Variants in PIK3C2B observed in about 807,000 individuals in gnomAD.
The protein encoded by PIK3C2B is phosphatidylinositol 4-phosphate 3-kinase C2 domain-containing subunit beta.
Under a neutral mutation model 184.3 loss-of-function variants are expected in PIK3C2B, and 83 were observed. The ratio of observed to expected loss-of-function variants is 0.45; its 90% CI spans 0.38 to 0.54. The LOEUF is 0.54. Among genes scored for constraint, PIK3C2B ranks in the 20% least tolerant of loss-of-function variants. The pLI, the probability that PIK3C2B is intolerant of heterozygous loss-of-function variation, is 0.00. For synonymous variants in PIK3C2B, 779 were observed against 837.6 expected (o/e 0.93, Z 1.21); for missense variants, 1,736 against 2,113.5 (o/e 0.82, Z 3.50).
intron 1 of PIK3C2B, among the ~76,000 whole-genome samples, chr1:204,482,224 A>T (rs946320655): frequency 6.6e-6 from 1 of 151,732 alleles, no homozygotes. Context: ...AGTCCCCACA[A>T]TGCTGCCCAC....
chr1:204,474,243 G>A (rs187476477), intron 1 of PIK3C2B, among the ~76,000 whole-genome samples: 146 of 152,014 alleles, frequency 9.6e-4, no homozygotes, highest in African/African-American at 3.4e-3. Context: ...CGCCCGCCTC[G>A]GCCCCCCAAA....
intron 4 of PIK3C2B, 134 bp from the exon 5 acceptor site, chr1:204,464,266 G>T: frequency 8.3e-7 from 1 of 1,202,116 alleles, no homozygotes; most frequent in Non-Finnish European, 1.2e-6. Flanking sequence ...CAGGCAAGTA[G>T]TTCAGAGTTG....
chr1:204,432,159 C>T (rs374248230), intron 27 of PIK3C2B, 41 bp downstream of exon 27: 45 of 1,567,226 alleles, frequency 2.9e-5, no homozygotes, highest in Non-Finnish European at 7.9e-6. Flanking sequence ...CCAGGGTCAG[C>T]AGAGAGCAGG....
At chr1:204,483,328 G>A (rs1326302446) in intron 1 of PIK3C2B, among the ~76,000 whole-genome samples, 1 of 151,852 alleles carries the variant, frequency 6.6e-6, no homozygotes, top group Non-Finnish European at 1.5e-5. Flanking sequence ...TGAAATAGGA[G>A]GCTCAACTGA....
Position 204,433,427 on chromosome 1 carries a change from TAGA to T in PIK3C2B, c.3844-5_3844-3del. On this transcript the variant is annotated splice_polypyrimidine_tract_variant and splice_region_variant and intron_variant, in intron 25 of 32. Transcript: ENST00000684373. This position sits in a 1 kb window ranked among gnomAD's most constrained non-coding sequence, Gnocchi z 5.0. ...TTCAGGGATCCCACAGGACAACATC[TAGA>T]AGGAGCAGAAAGAAGAAGAGAGGGT... 1 of 1,550,274 alleles carries T rather than the reference TAGA, an allele frequency of 6.5e-7. No homozygotes were observed. Among genetic ancestry groups the T allele is most frequent in the Non-Finnish European group, 8.9e-7 (1 of 1,122,282 alleles).
chr1:204,444,131 G>A lies in PIK3C2B; in HGVS notation c.2804C>T (p.Pro935Leu), dbSNP rs200492669. 6.8e-6 allele frequency: 11 copies of A among 1,613,548 alleles called. No individual in the cohort carries two copies. The highest frequency in any genetic ancestry group is 5.3e-5 in the African/African-American group (4 of 74,918). The change falls in exon 18 of 33, where the codon CCG becomes CTG. Residue 935 changes from proline to leucine, a missense_variant. Pro to Leu is a moderately conservative substitution (Grantham distance 98, BLOSUM62 -3). This residue lies in a region of PIK3C2B where 289 missense variants were observed against 380.4 expected (regional missense o/e 0.76). Coordinates refer to ENST00000684373, the MANE Select transcript of PIK3C2B (RefSeq NM_001377334.1). ...TCGTTTCAGGAGGAAGCGCACCAAC[G>A]GGCTGTCCAGGTAGCATTCATACTT... The part of the protein sequence containing the change: ...ALKYECYLDS[P>L]LVRFLLKRAV...
chr1:204,442,570 A>G lies in PIK3C2B; in HGVS notation c.3112T>C (p.Leu1038=). 2 of 1,555,308 alleles carry G rather than the reference A, an allele frequency of 1.3e-6. No homozygotes were observed. Among genetic ancestry groups the G allele is most frequent in the Non-Finnish European group, 1.7e-6 (2 of 1,149,144 alleles). Residue 1038 remains leucine, a synonymous_variant, in exon 20 of 33, where the codon TTG becomes CTG. Transcript: ENST00000684373. ...ACCAGCAGACTGGGGCTGAGTGGCAAGCGGCACGAGCCATTGAGGGCAAAG... is the reference window on the plus strand; with the variant it reads ...ACCAGCAGACTGGGGCTGAGTGGCAGGCGGCACGAGCCATTGAGGGCAAAG... ...QFFALNGSCR[L]PLSPSLLVKG...
chr1:204,473,597 T>C (rs1467150047), intron 1 of PIK3C2B, among the ~76,000 whole-genome samples: 2 of 152,226 alleles, frequency 1.3e-5, no homozygotes, highest in African/African-American at 2.4e-5. Flanking sequence ...AGAGAATGAC[T>C]GTGTATTTTC....
chr1:204,490,666 G>A (rs747299751), intron 1 of PIK3C2B, among the ~76,000 whole-genome samples: 30 of 151,784 alleles, frequency 2.0e-4, no homozygotes, highest in Admixed American at 3.3e-4. Flanking sequence ...GCTCATGCCC[G>A]TAATCCCAAC....
At chr1:204,466,659 G>C (rs1473824403) in intron 2 of PIK3C2B, 5 of 389,550 alleles carry the variant, frequency 1.3e-5, no homozygotes, top group Admixed American at 3.1e-5. Flanking sequence ...AGAGACAGTG[G>C]GGGGAGGGAA....
At position 204,457,716 on chromosome 1, in the gene PIK3C2B, G is replaced by A. The variant is rs771638559; in HGVS notation, c.1713+12C>T. On this transcript the variant is annotated intron_variant, in intron 9 of 32. Transcript: ENST00000684373. Reference sequence around the variant, plus strand: ...TCTTCCTTTCCCCTGCTAGCACCCTGGGCCCCTTTACCTTCTGAATTTTAG... The same window carrying A: ...TCTTCCTTTCCCCTGCTAGCACCCTAGGCCCCTTTACCTTCTGAATTTTAG... 3.8e-6 allele frequency: 6 copies of A among 1,596,870 alleles called. No individual in the cohort carries two copies. The East Asian group carries it at 1.1e-4, about 30-fold the overall frequency.
Position 204,457,834 on chromosome 1 carries a change from A to T in PIK3C2B, c.1607T>A (p.Val536Asp). ...GGCCAGGGCGTTGCAGATGGCCTTG[A>T]CGGACTGGACCACCCTGTCAGCCTT... Reference protein sequence around the residue: ...PLKADRVVQSVKAICNALAAV... With the variant: ...PLKADRVVQSDKAICNALAAV... The change falls in exon 9 of 33, where the codon GTC becomes GAC. Residue 536 changes from valine (V) to aspartate (D), a missense_variant. This residue lies in a region of PIK3C2B where 609 missense variants were observed against 699.2 expected (regional missense o/e 0.87). Coordinates refer to ENST00000684373, the MANE Select transcript of PIK3C2B (RefSeq NM_001377334.1). 3 of 1,613,328 alleles carry T rather than the reference A, an allele frequency of 1.9e-6. No homozygotes were observed. The highest frequency in any genetic ancestry group is 2.5e-6 in the Non-Finnish European group (3 of 1,179,734).
intron 32 of PIK3C2B, among the ~76,000 whole-genome samples, chr1:204,425,340 C>A (rs976119068): frequency 1.3e-5 from 2 of 152,122 alleles, no homozygotes; most frequent in African/African-American, 4.8e-5. Context: ...GGCCAGACCC[C>A]AGCCATGAAA....
At position 204,460,544 on chromosome 1, in the gene PIK3C2B, A is replaced by ACGAAC. The variant is rs777914934; in HGVS notation, c.1422+1_1422+5dup. On this transcript the variant is annotated splice_donor_region_variant and intron_variant, in intron 6 of 32. Transcript: ENST00000684373. ...CTGGGCAACCCTCCACCACCCTCAC[A>ACGAAC]CGAACCGTCCGGGCCAGGTCACTGC... 6.2e-7 allele frequency: 1 copy of ACGAAC among 1,611,192 alleles called. No individual in the cohort carries two copies. Among genetic ancestry groups the ACGAAC allele is most frequent in the Non-Finnish European group, 8.5e-7 (1 of 1,177,590 alleles).
At chr1:204,481,525 G>C (rs1392725059) in intron 1 of PIK3C2B, among the ~76,000 whole-genome samples, 1 of 152,120 alleles carries the variant, frequency 6.6e-6, no homozygotes, top group Non-Finnish European at 1.5e-5. Flanking sequence ...CCAAAGTGCT[G>C]GGATTACAGG....
At chr1:204,468,562 A>G (rs1283117841) in intron 2 of PIK3C2B, among the ~76,000 whole-genome samples, 3 of 152,188 alleles carry the variant, frequency 2.0e-5, no homozygotes, top group Non-Finnish European at 4.4e-5. Context: ...ATAACTCCCA[A>G]TTCAGTCCTT....
At chr1:204,479,354 G>C (rs2103528167) in intron 1 of PIK3C2B, among the ~76,000 whole-genome samples, 1 of 152,012 alleles carries the variant, frequency 6.6e-6, no homozygotes, top group East Asian at 1.9e-4. Flanking sequence ...AGCTTTCTTG[G>C]CCTTCCAGAG....
intron 12 of PIK3C2B, 115 bp from the exon 13 acceptor site, chr1:204,450,132 TCA>T (rs1654227642): frequency 1.2e-6 from 1 of 838,546 alleles, no homozygotes; most frequent in Non-Finnish European, 1.8e-6. Flanking sequence ...CTCTCAGGGT[TCA>T]GACATACTCC....
intron 5 of PIK3C2B, among the ~76,000 whole-genome samples, chr1:204,462,409 G>A (rs185462177): frequency 4.3e-4 from 65 of 152,336 alleles, no homozygotes; most frequent in South Asian, 1.7e-3. Flanking sequence ...CCTCACTGCA[G>A]CTTACAGAGG....
Sources: allele counts gnomAD v4.1 joint callset (sites outside exome capture counted in the v4.1 genomes callset), GRCh38; gene constraint gnomAD v4.1.1; regional missense constraint gnomAD v4.1.1; non-coding constraint Gnocchi (gnomAD v3.1); transcripts MANE v1.5; gene names NCBI Gene and HGNC (gene_info 2026-07-23, HGNC 2026-07-21).